The following SPATA6L variants were observed in gnomAD, a reference collection of about 807,000 sequenced individuals.
SPATA6L encodes the protein spermatogenesis associated 6-like protein.
In SPATA6L, 68 loss-of-function variants were observed where a neutral mutation model predicts 49.2. The observed-to-expected ratio is 1.38, with a 90% CI of 1.14 to 1.69. The LOEUF is 1.69. Among genes scored for constraint, SPATA6L ranks in the 40% most tolerant of loss-of-function variants. The pLI is 0.00. For missense variants in SPATA6L, 668 were observed against 464.3 expected (o/e 1.44, Z -4.03); for synonymous variants, 198 against 165.7 (o/e 1.19, Z -1.50).
chr9:4,641,011 T>C (rs539731963), intron 3 of SPATA6L, among the ~76,000 whole-genome samples: 5 of 152,304 alleles, frequency 3.3e-5, no homozygotes, highest in South Asian at 2.1e-4. Context: ...CCAAGACATA[T>C]TAAGTTTTAA....
At chr9:4,596,213 G>A (rs10974636), downstream of SPATA6L, among the ~76,000 whole-genome samples, 11 of 152,024 alleles carry the variant, frequency 7.2e-5, no homozygotes, top group African/African-American at 1.9e-4. Context: ...GACCCCTCCC[G>A]ACCCCACAGG....
At chr9:4,634,055 T>C (rs1342782110) in intron 4 of SPATA6L, among the ~76,000 whole-genome samples, 1 of 152,198 alleles carries the variant, frequency 6.6e-6, no homozygotes, top group African/African-American at 2.4e-5. Context: ...TTTATGACCA[T>C]AAAGTTAAAG....
chr9:4,617,408 TAG>T (rs1218641209), intron 9 of SPATA6L: 1 of 152,256 alleles, frequency 6.6e-6, no homozygotes, highest in African/African-American at 2.4e-5. Context: ...CTTACCCTAC[TAG>T]AGAGTGCTGT....
chr9:4,593,656 C>T (rs1480016417), downstream of SPATA6L, among the ~76,000 whole-genome samples: 2 of 152,194 alleles, frequency 1.3e-5, no homozygotes, highest in Non-Finnish European at 2.9e-5. Flanking sequence ...CATCAGTGCC[C>T]TGCTCATGAA....
At chr9:4,648,256 A>G (rs1835887578) in intron 3 of SPATA6L, among the ~76,000 whole-genome samples, 1 of 152,208 alleles carries the variant, frequency 6.6e-6, no homozygotes, top group African/African-American at 2.4e-5. Flanking sequence ...ACAGACTGAA[A>G]CTTTAGGCTT....
intron 4 of SPATA6L, among the ~76,000 whole-genome samples, chr9:4,630,244 T>C (rs1299434958): frequency 2.6e-5 from 4 of 152,274 alleles, no homozygotes; most frequent in African/African-American, 9.6e-5. Context: ...AATCTATACA[T>C]GTGTTAAAAT....
chr9:4,662,374 C>T lies in SPATA6L; in HGVS notation c.40-338G>A. ...GTCCCGGGATCCGGGCCGCCAGCTG[C>T]GATGCCAAGTCCCCGGAGGAGCATG... On this transcript the variant is annotated intron_variant, in intron 1 of 11. Transcript: ENST00000682582. The surrounding 1 kb of genome is among the most constrained non-coding windows in gnomAD (Gnocchi z 4.9). 1 of 1,508,718 alleles carries T rather than the reference C, an allele frequency of 6.6e-7. No individual in the cohort carries two copies. Among genetic ancestry groups the T allele is most frequent in the Non-Finnish European group, 8.8e-7 (1 of 1,136,578 alleles). 93.5% of individuals were successfully genotyped at this position (1,508,718 alleles called of 1,614,324 possible). A position where few individuals can be genotyped will look rare whatever the true frequency, so the allele number is the denominator to read the frequency against.
In SPATA6L at chr9:4,606,532, G is replaced by A. The variant is rs559908412; in HGVS notation, c.996-1092C>T. ...CTAACTGGGAGGCACCCCCCAGCAG[G>A]GGCACACTGACACCTCACACGGCCG... On this transcript the variant is annotated intron_variant, in intron 9 of 11. Transcript: ENST00000682582. 9.1e-4 allele frequency among the ~76,000 whole-genome samples: 35 copies of A among 38,512 alleles called. 14 individuals are homozygous for A. Among genetic ancestry groups the A allele is most frequent in the Middle Eastern group, 0.062 (2 of 32 alleles). The allele number at this position is 38,512 out of a possible 152,430, so 25.3% of individuals were successfully genotyped here. A position where few individuals can be genotyped will look rare whatever the true frequency, so the allele number is the denominator to read the frequency against.
At chr9:4,591,487 G>A (rs891126825) in intron 13 of SPATA6L, among the ~76,000 whole-genome samples, 1 of 152,170 alleles carries the variant, frequency 6.6e-6, no homozygotes, top group Non-Finnish European at 1.5e-5. Context: ...ATAAATTCAC[G>A]TGATAAAAGA....
intron 5 of SPATA6L, 64 bp downstream of exon 5, chr9:4,629,027 A>T (rs1240048313): frequency 8.2e-7 from 1 of 1,222,290 alleles, no homozygotes; most frequent in Non-Finnish European, 1.2e-6. Flanking sequence ...TTTGGGCAAA[A>T]ATTCTTTAAA....
intron 8 of SPATA6L, 129 bp from the exon 9 acceptor site, chr9:4,618,239 T>C (rs1828469150): frequency 1.5e-6 from 1 of 687,230 alleles, no homozygotes. Context: ...AGGGATCTCC[T>C]GCAAATAGAA....
chr9:4,644,982 C>T (rs557281749), intron 3 of SPATA6L, among the ~76,000 whole-genome samples: 1 of 152,310 alleles, frequency 6.6e-6, no homozygotes, highest in Non-Finnish European at 1.5e-5. Context: ...TTCAAATTTA[C>T]TCACCTCTGT....
chr9:4,660,581 T>A (rs903957527), intron 2 of SPATA6L, among the ~76,000 whole-genome samples: 2 of 152,238 alleles, frequency 1.3e-5, no homozygotes, highest in Non-Finnish European at 2.9e-5. Flanking sequence ...ACACTGTTGG[T>A]GGGACAGTAA....
At chr9:4,655,915 G>T (rs7869353) in intron 3 of SPATA6L, 126 bp downstream of exon 3, 157 of 761,710 alleles carry the variant, frequency 2.1e-4, no homozygotes, top group Non-Finnish European at 2.7e-4. Flanking sequence ...ATTTTACGTA[G>T]GCTGTCTTGA....
At chr9:4,656,757 T>C (rs1838326792) in intron 2 of SPATA6L, among the ~76,000 whole-genome samples, 1 of 152,224 alleles carries the variant, frequency 6.6e-6, no homozygotes, top group African/African-American at 2.4e-5. Context: ...AAGCCCATCT[T>C]AAATCAACCC....
intron 2 of SPATA6L, among the ~76,000 whole-genome samples, chr9:4,659,398 C>T (rs1056854272): frequency 2.0e-4 from 31 of 151,736 alleles, no homozygotes; most frequent in Admixed American, 9.8e-4. Context: ...AAACAGAGAG[C>T]GAAATCATGA....
chr9:4,632,061 A>C (rs1262239005), intron 4 of SPATA6L, among the ~76,000 whole-genome samples: 1 of 117,770 alleles, frequency 8.5e-6, no homozygotes, highest in Non-Finnish European at 1.6e-5. Flanking sequence ...TTTTTTTGAG[A>C]TGCAGTCTCA....
rs140845879 is a variant in SPATA6L, at chr9:4,621,801, A to C, written c.772+607T>G. 1.8e-3 allele frequency among the ~76,000 whole-genome samples: 280 copies of C among 152,280 alleles called. 1 individual carries two copies. The highest frequency in any genetic ancestry group is 6.8e-3 in the Middle Eastern group (2 of 294). On this transcript the variant is annotated intron_variant, in intron 7 of 11. Transcript: ENST00000682582. ...CCGTACCCGGCCGTAGTCTGTTCTTATATTTTAAAAATGTATCAGTTTTAA... is the reference window on the plus strand; with the variant it reads ...CCGTACCCGGCCGTAGTCTGTTCTTCTATTTTAAAAATGTATCAGTTTTAA...
chr9:4,607,259 G>A (rs990873008), intron 9 of SPATA6L, among the ~76,000 whole-genome samples: 8 of 151,948 alleles, frequency 5.3e-5, no homozygotes, highest in Non-Finnish European at 1.0e-4. Context: ...ATCTAGCAAG[G>A]CAGGCCAACA....
Sources: gnomAD v4.1 joint callset for allele counts (sites outside exome capture counted in the v4.1 genomes callset) on GRCh38, gnomAD v4.1.1 for gene constraint, Gnocchi (gnomAD v3.1) non-coding constraint, MANE v1.5 for transcripts, NCBI Gene and HGNC (gene_info 2026-07-23, HGNC 2026-07-21) for gene names.